Variants in KCNQ2 observed in about 807,000 individuals in gnomAD.
The protein encoded by KCNQ2 is potassium voltage-gated channel subfamily KQT member 2.
A neutral mutation model predicts 84.8 loss-of-function variants in KCNQ2; 14 were observed. That is an observed-to-expected ratio of 0.17 (90% CI 0.11 to 0.26). The LOEUF (loss-of-function observed/expected upper bound fraction) is 0.26. Among genes scored for constraint, KCNQ2 ranks in the 10% least tolerant of loss-of-function variants. The probability of loss-of-function intolerance (pLI) is 1.00; values close to 1 mark genes in which losing one functional copy is unlikely to be tolerated. For missense variants in KCNQ2, 788 were observed against 1,254.0 expected, an observed-to-expected ratio of 0.63 and a Z score of 5.61; for synonymous variants, 599 against 554.1, an observed-to-expected ratio of 1.08 and a Z score of -1.14.
chr20:63,429,133 C>T (rs983147828), intron 9 of KCNQ2, among the ~76,000 whole-genome samples: 7 of 151,962 alleles, frequency 4.6e-5, no homozygotes, highest in African/African-American at 1.5e-4. Context: ...GGCACCTCCT[C>T]ACGTCTGGGT....
intron 7 of KCNQ2, among the ~76,000 whole-genome samples, chr20:63,437,607 G>A (rs1387108021): frequency 1.3e-5 from 2 of 152,184 alleles, no homozygotes; most frequent in Non-Finnish European, 2.9e-5. Flanking sequence ...TTCTTATAAG[G>A]ATGCATGTGA....
Position 63,446,938 on chromosome 20 carries a change from G to A in KCNQ2, c.297-101C>T. 9.5e-7 allele frequency: 1 copy of A among 1,050,164 alleles called. No individual in the cohort carries two copies. Among genetic ancestry groups the A allele is most frequent in the Admixed American group, 1.7e-5 (1 of 58,454 alleles). 65.1% of individuals were successfully genotyped at this position (1,050,164 alleles called of 1,614,324 possible). A position where few individuals can be genotyped will look rare whatever the true frequency, so the allele number is the denominator to read the frequency against. ...CCCCACTCCCCACCAGGCCGCAGCA[G>A]GGCACCAGCATGGCCGCGTCTCCAG... On this transcript the variant is annotated intron_variant, in intron 1 of 16. Transcript: ENST00000359125. The surrounding 1 kb of genome is among the most constrained non-coding windows in gnomAD (Gnocchi z 5.5).
chr20:63,457,351 C>A (rs2081830549), intron 1 of KCNQ2, among the ~76,000 whole-genome samples: 1 of 152,222 alleles, frequency 6.6e-6, no homozygotes. Flanking sequence ...GGGAGGTGAC[C>A]CAGGTGGGAC....
At chr20:63,464,725 G>A (rs955397518) in intron 1 of KCNQ2, among the ~76,000 whole-genome samples, 1 of 152,218 alleles carries the variant, frequency 6.6e-6, no homozygotes, top group Admixed American at 6.5e-5. Flanking sequence ...CAGCCACTCA[G>A]TGTGTGGGGG....
rs1464737292 is a variant in KCNQ2 at position 63,441,028 on chromosome 20, C to T, written c.817-1320G>A. 4.8e-5 allele frequency among the ~76,000 whole-genome samples: 7 copies of T among 146,862 alleles called. No individual in the cohort carries two copies. In the East Asian group the frequency reaches 8.1e-4, roughly 17 times the overall value. On this transcript the variant is annotated intron_variant, in intron 5 of 16. Transcript: ENST00000359125. ...TGTCCCCCAGGCTGGAGTGCAGTGG[C>T]GTGATCCCGGCTCACTGCAAGCTCC... is the stretch of plus-strand genomic sequence containing the variant.
In KCNQ2 at chr20:63,415,015, C is replaced by T. The variant is rs6122117; in HGVS notation, c.1413G>A (p.Gln471=). 3 of 1,610,444 alleles carry T rather than the reference C, an allele frequency of 1.9e-6. No homozygotes were observed. In the East Asian group the frequency reaches 6.7e-5, roughly 36 times the overall value. ...CCTTGCTGGGGCTGTCCTCGAGGCT[C>T]TGGTCGGCGCTGGGTGACCGCCTCA... is the stretch of plus-strand genomic sequence containing the variant. ...QTVRRSPSAD[Q]SLEDSPSKVP... is the part of the protein sequence containing the mutation. The change falls in exon 13 of 17, where the codon CAG becomes CAA. Residue 471 remains glutamine, a synonymous_variant. Transcript: ENST00000359125.
At chr20:63,467,363 C>G (rs942062093) in intron 1 of KCNQ2, among the ~76,000 whole-genome samples, 2 of 152,212 alleles carry the variant, frequency 1.3e-5, no homozygotes, top group African/African-American at 4.8e-5. Context: ...CTCTACGGCT[C>G]CTCTACGGCT....
intron 1 of KCNQ2, among the ~76,000 whole-genome samples, chr20:63,464,761 A>G (rs941421706): frequency 2.0e-5 from 3 of 152,188 alleles, no homozygotes; most frequent in Non-Finnish European, 4.4e-5. Context: ...CTTAGAAACA[A>G]GTGGCACATT....
intron 1 of KCNQ2, among the ~76,000 whole-genome samples, chr20:63,471,944 C>T (rs1392218791): frequency 6.6e-6 from 1 of 152,184 alleles, no homozygotes; most frequent in African/African-American, 2.4e-5. Context: ...CTGGAGCCCC[C>T]ACCCCGACCT....
chr20:63,441,557 G>C (rs2081163110), intron 5 of KCNQ2, among the ~76,000 whole-genome samples: 1 of 152,114 alleles, frequency 6.6e-6, no homozygotes, highest in Non-Finnish European at 1.5e-5. Context: ...CCTGGGGGAT[G>C]GGCTTGTCCC....
chr20:63,403,222 G>C lies in KCNQ2; in HGVS notation c.*3422C>G. ...CTGGCGCTCTGCCACTGCGGACCAGGAGCCCGGACAGTCGGATACCCCACG... is the reference window on the plus strand; with the variant it reads ...CTGGCGCTCTGCCACTGCGGACCAGCAGCCCGGACAGTCGGATACCCCACG... On this transcript the variant is annotated 3_prime_UTR_variant, in exon 17 of 17. Coordinates refer to ENST00000359125, the MANE Select transcript of KCNQ2 (RefSeq NM_172107.4). The C allele has an allele frequency of 6.6e-6, 1 of 152,404 alleles. No homozygotes were observed. The highest frequency in any genetic ancestry group is 1.9e-4 in the East Asian group (1 of 5,180). 9.4% of individuals were successfully genotyped at this position (152,404 alleles called of 1,614,324 possible).
At position 63,405,775 on chromosome 20, in the gene KCNQ2, G is replaced by A. The variant is rs1173680311; in HGVS notation, c.*869C>T. The A allele has an allele frequency of 6.6e-6, 1 of 152,398 alleles. No individual in the cohort carries two copies. Among genetic ancestry groups the A allele is most frequent in the Admixed American group, 6.5e-5 (1 of 15,290 alleles). 9.4% of individuals were successfully genotyped at this position (152,398 alleles called of 1,614,324 possible). On this transcript the variant is annotated 3_prime_UTR_variant, in exon 17 of 17. Transcript: ENST00000359125. ...CCTGCCCCCCCGGTCTCCAAGGCTG[G>A]GGTGCTGCTGGCTCTCACGCACCCA...
Position 63,407,363 on chromosome 20 carries a change from C to A in KCNQ2, c.1900G>T (p.Glu634Ter). The A allele has an allele frequency of 6.3e-7, 1 of 1,597,832 alleles. No individual in the cohort carries two copies. Among genetic ancestry groups the A allele is most frequent in the South Asian group, 1.1e-5 (1 of 91,010 alleles). The stretch of plus-strand genomic sequence containing the variant: ...TTCACCAGGAAGTCCAGCTTCTTCT[C>A]CATGGACAAGACCTGCAAAAGGGGC... ...GKVEKQVLSM[E>*]KKLDFLVNIY... The change falls in exon 17 of 17, where the codon GAG becomes TAG. Residue 634 changes from glutamate (E) to a stop codon, truncating the protein, a stop_gained. Transcript: ENST00000359125. LOFTEE classifies it low-confidence loss of function (END_TRUNC). The surrounding 1 kb of genome is among the most constrained non-coding windows in gnomAD (Gnocchi z 7.2).
At chr20:63,463,320 C>T (rs920979318) in intron 1 of KCNQ2, among the ~76,000 whole-genome samples, 2 of 152,146 alleles carry the variant, frequency 1.3e-5, no homozygotes, top group Non-Finnish European at 2.9e-5. Flanking sequence ...ATCTGGTCTA[C>T]AAAGGGGACT....
chr20:63,417,911 C>T (rs895067148), intron 12 of KCNQ2, among the ~76,000 whole-genome samples: 10 of 152,350 alleles, frequency 6.6e-5, no homozygotes, highest in Admixed American at 2.0e-4. Flanking sequence ...CAGACAGAGC[C>T]GGCGGGAAGG....
chr20:63,458,028 TGCACCAAGCAGGGCTGGCCAAA>T (rs2081849635), intron 1 of KCNQ2, among the ~76,000 whole-genome samples: 1 of 151,998 alleles, frequency 6.6e-6, no homozygotes, highest in Admixed American at 6.5e-5. Context: ...ACCCAGCCGG[TGCACCAAGCAGGGCTGGCCAAA>T]GTGCCCAGCC....
At chr20:63,423,778 CT>C (rs2080544560) in intron 11 of KCNQ2, 1 of 256,074 alleles carries the variant, frequency 3.9e-6, no homozygotes, top group Non-Finnish European at 7.6e-6. Context: ...CCACTTGGAG[CT>C]TTCACCCCAG....
At chr20:63,431,433 G>A in intron 8 of KCNQ2, 64 bp from the exon 9 acceptor site, 1 of 1,551,902 alleles carries the variant, frequency 6.4e-7, no homozygotes, top group Non-Finnish European at 8.9e-7. Context: ...AACGGGATAA[G>A]AAAAAGAAAA....
At chr20:63,444,547 T>A in intron 4 of KCNQ2, 112 bp downstream of exon 4, 1 of 854,160 alleles carries the variant, frequency 1.2e-6, no homozygotes, top group Non-Finnish European at 1.7e-6. Context: ...ACTGACTCCA[T>A]CCCTCCACCC....
Sources: allele counts gnomAD v4.1 joint callset (sites outside exome capture counted in the v4.1 genomes callset), GRCh38; gene constraint gnomAD v4.1.1; non-coding constraint Gnocchi (gnomAD v3.1); transcripts MANE v1.5; gene names NCBI Gene and HGNC (gene_info 2026-07-23, HGNC 2026-07-21).